The following FBXO38 variants were observed in gnomAD, a reference collection of about 807,000 sequenced individuals.
The protein encoded by FBXO38 is F-box only protein 38.
FBXO38 carries 53 observed loss-of-function variants against 131.9 expected under a neutral mutation model. That is an observed-to-expected ratio of 0.40 (90% CI 0.32 to 0.51). FBXO38 has a LOEUF of 0.51. Ranked by LOEUF, FBXO38 falls within the 20% of genes least tolerant of loss-of-function variation. The pLI is 0.53. For missense variants in FBXO38, 1,076 were observed against 1,475.6 expected, an observed-to-expected ratio of 0.73 and a Z score of 4.44; for synonymous variants, 452 against 505.6, an observed-to-expected ratio of 0.89 and a Z score of 1.42.
intron 15 of FBXO38, among the ~76,000 whole-genome samples, chr5:148,429,938 T>C (rs572879342): frequency 6.6e-6 from 1 of 152,018 alleles, no homozygotes; most frequent in Non-Finnish European, 1.5e-5. Context: ...ATGTGATTTT[T>C]TTCAATTTGA....
chr5:148,436,257 C>T (rs1266797264), intron 17 of FBXO38, among the ~76,000 whole-genome samples: 5 of 151,950 alleles, frequency 3.3e-5, no homozygotes, highest in African/African-American at 1.2e-4. Flanking sequence ...TATATATATA[C>T]ATGACATATG....
intron 14 of FBXO38, 76 bp downstream of exon 14, chr5:148,425,777 C>T: frequency 7.9e-7 from 1 of 1,269,238 alleles, no homozygotes; most frequent in Admixed American, 2.1e-5. Flanking sequence ...AATATGACAA[C>T]TTGGGTGCAG....
At chr5:148,440,576 A>T in intron 20 of FBXO38, 49 bp downstream of exon 20, 1 of 1,146,404 alleles carries the variant, frequency 8.7e-7, no homozygotes, top group Non-Finnish European at 1.3e-6. Context: ...TGCAGTACTT[A>T]CCTCTGTAAT....
Position 148,438,541 on chromosome 5 carries a change from G to GTTTTTC in FBXO38, c.3024+58_3024+63dup, listed in dbSNP as rs768211106. The stretch of plus-strand genomic sequence containing the variant: ...TTTCCGATGATACACATATTGTGGT[G>GTTTTTC]TTTTTCTTTTTCTTTTTCTTGTTAG... On this transcript the variant is annotated intron_variant, in intron 18 of 21. Coordinates refer to ENST00000340253, the MANE Select transcript of FBXO38 (RefSeq NM_205836.3). 8 of 1,570,354 alleles carry GTTTTTC rather than the reference G, an allele frequency of 5.1e-6. No individual in the cohort carries two copies. In the African/African-American group the frequency reaches 5.5e-5, roughly 11 times the overall value.
At chr5:148,410,877 CT>C in intron 9 of FBXO38, 112 bp downstream of exon 9, 1 of 942,526 alleles carries the variant, frequency 1.1e-6, no homozygotes, top group Non-Finnish European at 1.6e-6. Context: ...AACTTAAAAT[CT>C]TAGGTGCTCT....
Position 148,406,239 on chromosome 5 carries a change from AT to A in FBXO38, c.731-5del, listed in dbSNP as rs201558003. On this transcript the variant is annotated splice_polypyrimidine_tract_variant and intron_variant, in intron 6 of 21. Coordinates refer to ENST00000340253, the MANE Select transcript of FBXO38 (RefSeq NM_205836.3). ...GGCACTTTACATTGTTCTATCAAAGATTTTTTTTTTTTTCCAGGACCCACAA... is the reference window on the plus strand; with the variant it reads ...GGCACTTTACATTGTTCTATCAAAGATTTTTTTTTTTTCCAGGACCCACAA... 0.14 allele frequency: 128,569 copies of A among 941,156 alleles called. 6 individuals carry two copies. The highest frequency in any genetic ancestry group is 0.21 in the East Asian group (5,376 of 25,380). The allele number at this position is 941,156 out of a possible 1,614,324, so 58.3% of individuals were successfully genotyped here. A position where few individuals can be genotyped will look rare whatever the true frequency, so the allele number is the denominator to read the frequency against.
At position 148,433,426 on chromosome 5, in the gene FBXO38, G is replaced by C. The variant is rs774318968; in HGVS notation, c.2656G>C (p.Val886Leu). 1 of 1,607,704 alleles carries C rather than the reference G, an allele frequency of 6.2e-7. No individual in the cohort carries two copies. Among genetic ancestry groups the C allele is most frequent in the Non-Finnish European group, 8.5e-7 (1 of 1,177,834 alleles). Residue 886 changes from valine (V) to leucine (L), a missense_variant and splice_region_variant, in exon 16 of 22, where the codon GTA (valine) becomes CTA (leucine). Val to Leu is a conservative substitution (Grantham distance 32). This residue lies in a region of FBXO38 where 282 missense variants were observed against 418.8 expected (regional missense o/e 0.67). Coordinates refer to ENST00000340253, the MANE Select transcript of FBXO38 (RefSeq NM_205836.3). ...TTCTTTTTTTTTGCCTTTTTTAGAAGTAGCCAAAACAAAGCCACGTCACGC... is the reference window on the plus strand; with the variant it reads ...TTCTTTTTTTTTGCCTTTTTTAGAACTAGCCAAAACAAAGCCACGTCACGC... ...SHVLLVSESE[V>L]AKTKPRHAMK...
intron 5 of FBXO38, among the ~76,000 whole-genome samples, chr5:148,403,339 A>G (rs569943102): frequency 6.6e-6 from 1 of 152,244 alleles, no homozygotes; most frequent in East Asian, 1.9e-4. Context: ...GGTGTGGTAA[A>G]TTAATAAAAA....
At chr5:148,438,212 T>G in intron 17 of FBXO38, 120 bp from the exon 18 acceptor site, 1 of 842,902 alleles carries the variant, frequency 1.2e-6, no homozygotes, top group Non-Finnish European at 1.8e-6. Context: ...ATTTGTACTC[T>G]ATGATATTAT....
At chr5:148,412,568 C>T (rs1752823861) in intron 9 of FBXO38, among the ~76,000 whole-genome samples, 1 of 152,100 alleles carries the variant, frequency 6.6e-6, no homozygotes, top group Non-Finnish European at 1.5e-5. Flanking sequence ...TTATATAATA[C>T]TGATAGAGAC....
At chr5:148,421,015 G>T (rs952780039) in intron 12 of FBXO38, among the ~76,000 whole-genome samples, 2 of 151,224 alleles carry the variant, frequency 1.3e-5, no homozygotes, top group African/African-American at 4.9e-5. Context: ...CACCCAGACT[G>T]GAGTGCAGTG....
chr5:148,385,808 A>C (rs1161265993), intron 1 of FBXO38, among the ~76,000 whole-genome samples: 3 of 152,232 alleles, frequency 2.0e-5, no homozygotes, highest in Non-Finnish European at 2.9e-5. Flanking sequence ...AGCTGAAACC[A>C]ATAGAAACTA....
chr5:148,403,834 T>C (rs1752295981), intron 5 of FBXO38, among the ~76,000 whole-genome samples: 2 of 152,218 alleles, frequency 1.3e-5, no homozygotes. Flanking sequence ...AAAAATTGCA[T>C]TAAACAGTTT....
At chr5:148,437,197 A>G (rs918726674) in intron 17 of FBXO38, among the ~76,000 whole-genome samples, 1 of 152,232 alleles carries the variant, frequency 6.6e-6, no homozygotes, top group Non-Finnish European at 1.5e-5. Context: ...TGTTTGGCTC[A>G]GCTTATCGTG....
chr5:148,437,841 G>A (rs1754437505), intron 17 of FBXO38, among the ~76,000 whole-genome samples: 1 of 151,642 alleles, frequency 6.6e-6, no homozygotes, highest in Non-Finnish European at 1.5e-5. Flanking sequence ...CTAACCACAT[G>A]GCTACTAGAT....
rs748662910 is a variant in FBXO38, at chr5:148,427,618, G to C, written c.2324G>C (p.Arg775Thr). The C allele has an allele frequency of 6.8e-6, 11 of 1,614,190 alleles. No individual in the cohort carries two copies. In the East Asian group the frequency reaches 2.5e-4, roughly 36 times the overall value. ...GATGCAGAGAGTTCTGTCTGCCCCAGATGCTGCTGTCACAGGCCCCAGGAA... is the reference window on the plus strand; with the variant it reads ...GATGCAGAGAGTTCTGTCTGCCCCACATGCTGCTGTCACAGGCCCCAGGAA... ...EGDAESSVCPRCCCHRPQESQ... is the reference protein window; with the variant it reads ...EGDAESSVCPTCCCHRPQESQ... The change falls in exon 15 of 22, where the codon AGA becomes ACA. Residue 775 changes from arginine to threonine, a missense_variant. Physicochemically the swap from Arg to Thr is moderately conservative, Grantham distance 71 (BLOSUM62 -1). Coordinates refer to ENST00000340253, the MANE Select transcript of FBXO38 (RefSeq NM_205836.3).
chr5:148,416,148 T>A, intron 11 of FBXO38, 78 bp downstream of exon 11: 1 of 1,391,714 alleles, frequency 7.2e-7, no homozygotes, highest in South Asian at 1.5e-5. Context: ...TTTTTTTTTT[T>A]TCTTTTCAAT....
At chr5:148,393,232 T>TGTGTGTGA (rs1424382416) in intron 1 of FBXO38, among the ~76,000 whole-genome samples, 1 of 147,926 alleles carries the variant, frequency 6.8e-6, no homozygotes, top group Non-Finnish European at 1.5e-5. Flanking sequence ...TGTGTGTGTG[T>TGTGTGTGA]GTGATGAGAG....
chr5:148,412,117 C>T (rs920475212), intron 9 of FBXO38, among the ~76,000 whole-genome samples: 2 of 152,102 alleles, frequency 1.3e-5, no homozygotes, highest in Non-Finnish European at 2.9e-5. Context: ...TTCTTGACTA[C>T]CATTATCTCG....
Sources: gnomAD v4.1 joint callset for allele counts (sites outside exome capture counted in the v4.1 genomes callset) on GRCh38, gnomAD v4.1.1 for gene constraint, gnomAD v4.1.1 regional missense constraint, MANE v1.5 for transcripts, NCBI Gene and HGNC (gene_info 2026-07-23, HGNC 2026-07-21) for gene names.